The following ACSS3 variants were observed in gnomAD, a reference collection of about 807,000 sequenced individuals.
ACSS3 encodes the protein acyl-CoA synthetase short chain family member 3, also known as acyl-CoA synthetase short-chain family member 3, mitochondrial.
Under a neutral mutation model 84.2 loss-of-function variants are expected in ACSS3, and 64 were observed. The observed-to-expected ratio is 0.76, with a 90% confidence interval of 0.62 to 0.94. ACSS3 has a LOEUF of 0.94. ACSS3 is among the 40% of genes least tolerant of loss of function. The pLI is 0.00. For synonymous variants in ACSS3, 317 were observed against 310.1 expected (o/e 1.02, Z -0.23); for missense variants, 815 against 867.6 (o/e 0.94, Z 0.76).
chr12:81,185,242 C>T (rs1355752029), intron 8 of ACSS3, among the ~76,000 whole-genome samples: 1 of 151,666 alleles, frequency 6.6e-6, no homozygotes, highest in East Asian at 1.9e-4. Flanking sequence ...CTACAGCTAA[C>T]ATTATAATCA....
At chr12:81,093,319 G>T (rs1267154813) in intron 1 of ACSS3, among the ~76,000 whole-genome samples, 3 of 151,932 alleles carry the variant, frequency 2.0e-5, no homozygotes, top group Non-Finnish European at 4.4e-5. Flanking sequence ...CAGGCATGGT[G>T]GCTCATGCCT....
Position 81,259,637 on chromosome 12 carries a change from T to C in ACSS3, c.*4715T>C. 6.5e-7 allele frequency: 1 copy of C among 1,534,394 alleles called. No individual in the cohort carries two copies. Among genetic ancestry groups the C allele is most frequent in the Non-Finnish European group, 8.7e-7 (1 of 1,145,560 alleles). On this transcript the variant is annotated 3_prime_UTR_variant, in exon 16 of 16. Transcript: ENST00000548058. The stretch of plus-strand genomic sequence containing the variant: ...TTCTTAGATGGTAGTGCACTTTAGG[T>C]AGAGTAGACTGAAAAGACGCCATCT...
chr12:81,174,926 T>C lies in ACSS3; in HGVS notation c.1237T>C (p.Tyr413His). 1 of 1,613,828 alleles carries C rather than the reference T, an allele frequency of 6.2e-7. No individual in the cohort carries two copies. The highest frequency in any genetic ancestry group is 8.5e-7 in the Non-Finnish European group (1 of 1,179,802). ...QDPGAALGKQ[Y>H]SLTRFKTLFV... ...CCCTGGGGCAGCTTTGGGGAAGCAG[T>C]ACTCTCTGACAAGGTGACGTTGGGA... Residue 413 changes from tyrosine (Y) to histidine (H), a missense_variant, in exon 8 of 16, where the codon TAC becomes CAC. Transcript: ENST00000548058.
At chr12:81,238,170 T>C (rs531552172) in intron 13 of ACSS3, among the ~76,000 whole-genome samples, 5 of 151,998 alleles carry the variant, frequency 3.3e-5, no homozygotes, top group South Asian at 4.1e-4. Context: ...ACTTTGATTA[T>C]TGAATTTCGA....
chr12:81,183,890 G>A (rs1447816398), intron 8 of ACSS3, among the ~76,000 whole-genome samples: 4 of 151,898 alleles, frequency 2.6e-5, no homozygotes, highest in African/African-American at 4.8e-5. Context: ...CAAGCAGACA[G>A]AAAATTAATA....
intron 1 of ACSS3, among the ~76,000 whole-genome samples, chr12:81,082,675 A>T (rs541069104): frequency 6.6e-6 from 1 of 152,108 alleles, no homozygotes; most frequent in Admixed American, 6.5e-5. Flanking sequence ...GGATTTTTAA[A>T]TTTTTTCCTG....
intron 13 of ACSS3, among the ~76,000 whole-genome samples, chr12:81,252,002 T>A (rs147061619): frequency 2.9e-4 from 44 of 152,238 alleles, no homozygotes; most frequent in Non-Finnish European, 6.2e-4. Context: ...TGTAACTCCA[T>A]CTCCTCCATT....
At chr12:81,232,781 T>C (rs1457916073) in intron 12 of ACSS3, among the ~76,000 whole-genome samples, 2 of 151,776 alleles carry the variant, frequency 1.3e-5, no homozygotes, top group Non-Finnish European at 2.9e-5. Flanking sequence ...AAATAATATT[T>C]ATTTTTTCTA....
intron 2 of ACSS3, among the ~76,000 whole-genome samples, chr12:81,132,027 G>A (rs980516817): frequency 2.0e-5 from 3 of 152,050 alleles, no homozygotes; most frequent in South Asian, 2.1e-4. Context: ...GATTCGGTTT[G>A]CCAGTATTTT....
intron 2 of ACSS3, among the ~76,000 whole-genome samples, chr12:81,113,899 C>T (rs1010681321): frequency 1.3e-5 from 2 of 151,992 alleles, no homozygotes; most frequent in African/African-American, 4.8e-5. Flanking sequence ...CTTGTTAGCT[C>T]TTTTCAAGTT....
intron 5 of ACSS3, among the ~76,000 whole-genome samples, chr12:81,144,783 A>C (rs1430944065): frequency 6.6e-6 from 1 of 152,208 alleles, no homozygotes; most frequent in Non-Finnish European, 1.5e-5. Context: ...TTCAGAAATT[A>C]AAAGCTGACT....
chr12:81,200,888 T>TC (rs2032069874), intron 9 of ACSS3, among the ~76,000 whole-genome samples: 1 of 88,950 alleles, frequency 1.1e-5, no homozygotes, highest in Non-Finnish European at 2.2e-5. Context: ...AGCAAGACTG[T>TC]CAAAAAAAAA....
chr12:81,096,490 T>C (rs1461291923), intron 1 of ACSS3, among the ~76,000 whole-genome samples: 1 of 152,226 alleles, frequency 6.6e-6, no homozygotes, highest in Non-Finnish European at 1.5e-5. Flanking sequence ...GTTATTATTA[T>C]ACTTTAAGTT....
At chr12:81,220,731 C>G (rs1460892515) in intron 11 of ACSS3, among the ~76,000 whole-genome samples, 1 of 151,994 alleles carries the variant, frequency 6.6e-6, no homozygotes, top group East Asian at 1.9e-4. Context: ...CACTTTTTGA[C>G]AAACATTTTA....
At chr12:81,214,204 G>T (rs1338938944) in intron 9 of ACSS3, among the ~76,000 whole-genome samples, 6 of 151,416 alleles carry the variant, frequency 4.0e-5, no homozygotes, top group Non-Finnish European at 8.8e-5. Context: ...TTTTGTCTTT[G>T]TAGTAGAGAT....
intron 13 of ACSS3, among the ~76,000 whole-genome samples, chr12:81,243,301 A>G (rs1593236655): frequency 1.3e-5 from 2 of 152,300 alleles, no homozygotes; most frequent in African/African-American, 4.8e-5. Flanking sequence ...CCAGCTTACA[A>G]CGGACGTGAA....
At chr12:81,199,571 T>G in intron 9 of ACSS3, 127 bp downstream of exon 9, 1 of 1,469,690 alleles carries the variant, frequency 6.8e-7, no homozygotes, top group Non-Finnish European at 9.2e-7. Flanking sequence ...TGGTTCAGGT[T>G]TCAGTAAAAA....
intron 2 of ACSS3, among the ~76,000 whole-genome samples, chr12:81,120,283 G>A (rs1423028353): frequency 1.3e-5 from 2 of 152,146 alleles, no homozygotes; most frequent in Non-Finnish European, 2.9e-5. Context: ...AATAAAAGAA[G>A]GAGACAGGCA....
intron 2 of ACSS3, among the ~76,000 whole-genome samples, chr12:81,128,357 C>T (rs544523975): frequency 6.6e-6 from 1 of 152,242 alleles, no homozygotes; most frequent in African/African-American, 2.4e-5. Flanking sequence ...AATGATTCAT[C>T]TAATTTCTAG....
Sources: gnomAD v4.1 joint callset for allele counts (sites outside exome capture counted in the v4.1 genomes callset) on GRCh38, gnomAD v4.1.1 for gene constraint, MANE v1.5 for transcripts, NCBI Gene and HGNC (gene_info 2026-07-23, HGNC 2026-07-21) for gene names.